Variants in CIBAR2 observed in about 807,000 individuals in gnomAD.
CIBAR2 encodes the protein CBY1 interacting BAR domain containing 2, also known as CBY1-interacting BAR domain-containing protein 2.
In CIBAR2, 38 loss-of-function variants were observed where a neutral mutation model predicts 36.2. That is an observed-to-expected ratio of 1.05 (90% CI 0.81 to 1.38). The LOEUF is 1.38. Among genes scored for constraint, CIBAR2 ranks in the 40% most tolerant of loss-of-function variants. CIBAR2 has a pLI of 0.00. For missense variants in CIBAR2, 481 were observed against 383.4 expected, an observed-to-expected ratio of 1.25 and a Z score of -2.13; for synonymous variants, 182 against 149.5, an observed-to-expected ratio of 1.22 and a Z score of -1.58.
At chr16:85,102,537 C>T (rs1286784170) in intron 6 of CIBAR2, among the ~76,000 whole-genome samples, 2 of 152,160 alleles carry the variant, frequency 1.3e-5, no homozygotes, top group Admixed American at 6.5e-5. Flanking sequence ...ATTGGTCAGG[C>T]ACAGTGGCTT....
Position 85,108,222 on chromosome 16 carries a change from C to T in CIBAR2, c.256-123G>A, listed in dbSNP as rs529686405. On this transcript the variant is annotated intron_variant, in intron 2 of 8. Coordinates refer to ENST00000539556, the MANE Select transcript of CIBAR2 (RefSeq NM_198491.3). ...CAGAGCTGTGCGGCGGGAGGTGGAG[C>T]GCGAGGTGCCCTCCCTTTTCCCGGT... 1,088 of 836,314 alleles carry T rather than the reference C, an allele frequency of 1.3e-3. 3 individuals are homozygous for T. The highest frequency in any genetic ancestry group is 1.8e-3 in the Non-Finnish European group (974 of 549,278). The allele number at this position is 836,314 out of a possible 1,614,324, so 51.8% of individuals were successfully genotyped here.
In CIBAR2 at chr16:85,102,195, C is replaced by G. The variant is rs201718556; in HGVS notation, c.651+19G>C. 194 of 1,368,688 alleles carry G rather than the reference C, an allele frequency of 1.4e-4. No homozygotes were observed. Among genetic ancestry groups the G allele is most frequent in the Admixed American group, 3.8e-4 (22 of 58,472 alleles). The allele number at this position is 1,368,688 out of a possible 1,614,324, so 84.8% of individuals were successfully genotyped here. On this transcript the variant is annotated intron_variant, in intron 7 of 8. Transcript: ENST00000539556. The stretch of plus-strand genomic sequence containing the variant: ...CTGCCCCACTCCACCATATAGGAAA[C>G]GGGGTGTCTGTGACTCACCAGTAGA...
chr16:85,110,720 T>TTTTTTTTTTTC (rs778091487), intron 1 of CIBAR2, among the ~76,000 whole-genome samples: 2 of 135,402 alleles, frequency 1.5e-5, no homozygotes, highest in African/African-American at 2.9e-5. Context: ...TTTTTTTTTT[T>TTTTTTTTTTTC]TGGAGACAGA....
At chr16:85,099,386 G>T in intron 8 of CIBAR2, 40 bp from the exon 9 acceptor site, 1 of 1,121,694 alleles carries the variant, frequency 8.9e-7, no homozygotes, top group Non-Finnish European at 1.4e-6. Context: ...GGCCTTCCTG[G>T]GGCTGTAAGG....
chr16:85,112,370 C>A lies in CIBAR2; in HGVS notation c.-18G>T, dbSNP rs1031317050. ...ATGTTCATTGTGACCAGAGCTTTGG[C>A]TGTCCCGGTGCTGGGGAATAAGGAC... On this transcript the variant is annotated 5_prime_UTR_variant, in exon 1 of 9. Coordinates refer to ENST00000539556, the MANE Select transcript of CIBAR2 (RefSeq NM_198491.3). 1.2e-6 allele frequency: 2 copies of A among 1,613,508 alleles called. No homozygotes were observed. The highest frequency in any genetic ancestry group is 2.7e-5 in the African/African-American group (2 of 74,932).
At chr16:85,108,322 G>C (rs950703715) in intron 2 of CIBAR2, among the ~76,000 whole-genome samples, 1 of 152,192 alleles carries the variant, frequency 6.6e-6, no homozygotes, top group Non-Finnish European at 1.5e-5. Flanking sequence ...TCAGTCTCTC[G>C]AAGCCTCATT....
At chr16:85,112,297 C>T (rs766158998) in intron 1 of CIBAR2, 36 bp downstream of exon 1, 3 of 1,611,898 alleles carry the variant, frequency 1.9e-6, no homozygotes, top group Non-Finnish European at 2.5e-6. Flanking sequence ...CCGACTTCCA[C>T]CTCCCTCACA....
intron 8 of CIBAR2, 40 bp downstream of exon 8, chr16:85,100,099 G>T (rs370506826): frequency 1.7e-5 from 26 of 1,519,190 alleles, no homozygotes; most frequent in South Asian, 8.3e-5. Flanking sequence ...GGCCGTGCAC[G>T]ACATTTTAGG....
rs202242314 is a variant in CIBAR2 at position 85,107,718 on chromosome 16, C to T, written c.427-46G>A. 6.8e-5 allele frequency: 110 copies of T among 1,613,082 alleles called. No individual in the cohort carries two copies. In the African/African-American group the frequency reaches 1.3e-3, roughly 19 times the overall value. ...GAACCAAGTTAAGCCCAGGCAGCCC[C>T]GTTGGGGTGGTCCGCCCCCTTCACA... On this transcript the variant is annotated intron_variant, in intron 4 of 8. Coordinates refer to ENST00000539556, the MANE Select transcript of CIBAR2 (RefSeq NM_198491.3).
At position 85,108,182 on chromosome 16, in the gene CIBAR2, C is replaced by T. The variant is rs1013960825; in HGVS notation, c.256-83G>A. 6.9e-6 allele frequency: 9 copies of T among 1,312,036 alleles called. No individual in the cohort carries two copies. The East Asian group carries it at 7.0e-5, about 10-fold the overall frequency. The allele number at this position is 1,312,036 out of a possible 1,614,324, so 81.3% of individuals were successfully genotyped here. On this transcript the variant is annotated intron_variant, in intron 2 of 8. Coordinates refer to ENST00000539556, the MANE Select transcript of CIBAR2 (RefSeq NM_198491.3). Reference sequence around the variant, plus strand: ...GGGCATATAAAGCAGAGCCGGCACCCGGGAGCCGCGTGTCCAGAGCTGTGC... The same window carrying T: ...GGGCATATAAAGCAGAGCCGGCACCTGGGAGCCGCGTGTCCAGAGCTGTGC...
At chr16:85,109,541 T>C (rs1186056527) in intron 2 of CIBAR2, among the ~76,000 whole-genome samples, 3 of 152,214 alleles carry the variant, frequency 2.0e-5, no homozygotes, top group Non-Finnish European at 1.5e-5. Context: ...TGGTATTTTT[T>C]GAGATAAAGT....
At chr16:85,101,040 C>T (rs527324368) in intron 7 of CIBAR2, among the ~76,000 whole-genome samples, 4 of 145,500 alleles carry the variant, frequency 2.7e-5, no homozygotes, top group Non-Finnish European at 4.5e-5. Flanking sequence ...AGCGAGACTC[C>T]GTCTCAAAAA....
In CIBAR2 at chr16:85,098,877, G is replaced by T; in HGVS notation, c.*308C>A. On this transcript the variant is annotated 3_prime_UTR_variant, in exon 9 of 9. Transcript: ENST00000539556. The stretch of plus-strand genomic sequence containing the variant: ...GGCGAGGACTCTAAGGCACAGAGAG[G>T]CTAGGAGACTTTCCCAAGGTCACAC... 1 of 253,890 alleles carries T rather than the reference G, an allele frequency of 3.9e-6. No homozygotes were observed. Among genetic ancestry groups the T allele is most frequent in the Non-Finnish European group, 7.1e-6 (1 of 140,146 alleles). 15.7% of individuals were successfully genotyped at this position (253,890 alleles called of 1,614,324 possible). A position where few individuals can be genotyped will look rare whatever the true frequency, so the allele number is the denominator to read the frequency against.
At position 85,099,291 on chromosome 16, in the gene CIBAR2, G is replaced by C. The variant is rs1181383887; in HGVS notation, c.809C>G (p.Ala270Gly). The C allele has an allele frequency of 1.9e-6, 3 of 1,613,712 alleles. No homozygotes were observed. The highest frequency in any genetic ancestry group is 2.7e-5 in the African/African-American group (2 of 74,914). The change falls in exon 9 of 9, where the codon GCC becomes GGC. Residue 270 changes from alanine (A) to glycine (G), a missense_variant. Coordinates refer to ENST00000539556, the MANE Select transcript of CIBAR2 (RefSeq NM_198491.3). Reference sequence around the variant, plus strand: ...ACAGAGACTAAACCTGCCATGATTGGCATGAGGATGTTCAGGGTCTTCATT... The same window carrying C: ...ACAGAGACTAAACCTGCCATGATTGCCATGAGGATGTTCAGGGTCTTCATT... ...RANEDPEHPHANHGRFSLCEW... is the reference protein window; with the variant it reads ...RANEDPEHPHGNHGRFSLCEW...
chr16:85,103,166 T>A (rs1342446050), intron 6 of CIBAR2, among the ~76,000 whole-genome samples: 1 of 152,112 alleles, frequency 6.6e-6, no homozygotes, highest in African/African-American at 2.4e-5. Context: ...TCCACTTTCA[T>A]GAATGGGATT....
chr16:85,099,800 T>C (rs1211854657), intron 8 of CIBAR2, among the ~76,000 whole-genome samples: 9 of 83,080 alleles, frequency 1.1e-4, no homozygotes, highest in African/African-American at 9.0e-4. Flanking sequence ...ATTTTTGCTT[T>C]TTTTTTTTTT....
At chr16:85,110,579 C>T (rs776856365) in intron 1 of CIBAR2, 119 bp from the exon 2 acceptor site, 11 of 674,148 alleles carry the variant, frequency 1.6e-5, no homozygotes, top group Non-Finnish European at 2.5e-5. Context: ...TGGTGTGGCA[C>T]GCACATGCCA....
At chr16:85,110,556 A>C in intron 1 of CIBAR2, 96 bp from the exon 2 acceptor site, 11 of 921,964 alleles carry the variant, frequency 1.2e-5, no homozygotes, top group Non-Finnish European at 1.3e-5. Context: ...AGGAGCTGCC[A>C]CCAGCCGGCC....
At chr16:85,105,272 GCA>G (rs375328971) in intron 6 of CIBAR2, 53 bp downstream of exon 6, 219 of 1,020,494 alleles carry the variant, frequency 2.1e-4, no homozygotes, top group Non-Finnish European at 2.4e-4. Flanking sequence ...ACACGTGCAT[GCA>G]CACACACACA....
Sources: gnomAD v4.1 joint callset for allele counts (sites outside exome capture counted in the v4.1 genomes callset) on GRCh38, gnomAD v4.1.1 for gene constraint, MANE v1.5 for transcripts, NCBI Gene and HGNC (gene_info 2026-07-23, HGNC 2026-07-21) for gene names.